The following CLSTN2 variants were observed in gnomAD, a reference collection of about 807,000 sequenced individuals.
CLSTN2 encodes calsyntenin-2.
A neutral mutation model predicts 101.2 loss-of-function variants in CLSTN2; 48 were observed. That is an observed-to-expected ratio of 0.47 (90% CI 0.38 to 0.60). CLSTN2 has a LOEUF of 0.60. CLSTN2 is among the 20% of genes least tolerant of loss of function. CLSTN2 has a pLI of 0.00. For missense variants in CLSTN2, 1,160 were observed against 1,238.2 expected, an observed-to-expected ratio of 0.94 and a Z score of 0.95; for synonymous variants, 481 against 463.6, an observed-to-expected ratio of 1.04 and a Z score of -0.48.
At chr3:139,940,287 G>A (rs1411373541) in intron 1 of CLSTN2, among the ~76,000 whole-genome samples, 1 of 152,104 alleles carries the variant, frequency 6.6e-6, no homozygotes, top group Non-Finnish European at 1.5e-5. Flanking sequence ...AGTAAAATTT[G>A]GGCATATGGC....
At chr3:140,449,099 G>T (rs1263499999) in intron 6 of CLSTN2, among the ~76,000 whole-genome samples, 2 of 152,200 alleles carry the variant, frequency 1.3e-5, no homozygotes, top group Non-Finnish European at 2.9e-5. Flanking sequence ...AGAGTTAGTA[G>T]TGTCAGTCAC....
At chr3:140,027,025 G>A (rs1331643601) in intron 1 of CLSTN2, among the ~76,000 whole-genome samples, 1 of 152,216 alleles carries the variant, frequency 6.6e-6, no homozygotes, top group Non-Finnish European at 1.5e-5. Context: ...CTTGGGGCTG[G>A]TGGTGAGATT....
chr3:140,165,306 C>G (rs1393277820), intron 1 of CLSTN2, among the ~76,000 whole-genome samples: 2 of 152,192 alleles, frequency 1.3e-5, no homozygotes, highest in Non-Finnish European at 2.9e-5. Context: ...AAGTGCTGCT[C>G]TTTGCTTCAG....
At chr3:140,240,905 T>A (rs13066429) in intron 2 of CLSTN2, among the ~76,000 whole-genome samples, 2 of 152,060 alleles carry the variant, frequency 1.3e-5, no homozygotes, top group Non-Finnish European at 2.9e-5. Flanking sequence ...TCTTCCTGGA[T>A]GGGATGCTGG....
Position 140,404,781 on chromosome 3 carries a change from A to C in CLSTN2, c.637+15A>C. The C allele has an allele frequency of 1.2e-6, 2 of 1,612,232 alleles. No individual in the cohort carries two copies. The highest frequency in any genetic ancestry group is 1.7e-6 in the Non-Finnish European group (2 of 1,178,286). On this transcript the variant is annotated intron_variant, in intron 4 of 16. Coordinates refer to ENST00000458420, the MANE Select transcript of CLSTN2 (RefSeq NM_022131.3). ...CGACAGAAATGGTGAGTGACCTCAG[A>C]GGACCCCTGTGGGGTCAGGAAAACA...
chr3:140,093,202 T>G (rs1478056949), intron 1 of CLSTN2, among the ~76,000 whole-genome samples: 7 of 152,126 alleles, frequency 4.6e-5, no homozygotes, highest in Non-Finnish European at 1.0e-4. Context: ...TGTCGCCTGC[T>G]CTGGTTGCTC....
In CLSTN2 at chr3:140,566,152, G is replaced by A. The variant is rs900952461; in HGVS notation, c.2767G>A (p.Glu923Lys). ...MSSSSGSDDS[E>K]EEEEEEGMGR... ...CTCCAGCAGTGGCTCTGACGACAGC[G>A]AAGAGGAGGAGGAGGAGGAAGGGAT... Residue 923 changes from glutamate (E) to lysine (K), a missense_variant, in exon 17 of 17, where the codon GAA (glutamate) becomes AAA (lysine). Glu to Lys is a moderately conservative substitution (Grantham distance 56, BLOSUM62 1). Transcript: ENST00000458420. The A allele has an allele frequency of 6.8e-6, 11 of 1,612,526 alleles. No individual in the cohort carries two copies. Among genetic ancestry groups the A allele is most frequent in the Admixed American group, 1.7e-5 (1 of 59,938 alleles).
At chr3:140,434,815 G>T (rs1198519222) in intron 5 of CLSTN2, among the ~76,000 whole-genome samples, 2 of 152,214 alleles carry the variant, frequency 1.3e-5, no homozygotes, top group African/African-American at 4.8e-5. Flanking sequence ...AAAGGTAAGT[G>T]ATGGGGTAGA....
intron 1 of CLSTN2, among the ~76,000 whole-genome samples, chr3:140,174,323 C>T (rs1286053266): frequency 1.3e-5 from 2 of 152,186 alleles, no homozygotes; most frequent in Non-Finnish European, 2.9e-5. Flanking sequence ...ACCACCTCAG[C>T]CTGGAGCTTA....
chr3:140,383,854 C>T (rs181086266), intron 2 of CLSTN2, among the ~76,000 whole-genome samples: 55 of 152,322 alleles, frequency 3.6e-4, no homozygotes, highest in African/African-American at 1.3e-3. Flanking sequence ...AATGAAGCAT[C>T]CTATTAGCAT....
chr3:140,151,332 T>C (rs1213215284), intron 1 of CLSTN2, among the ~76,000 whole-genome samples: 5 of 151,908 alleles, frequency 3.3e-5, no homozygotes, highest in Non-Finnish European at 7.4e-5. Context: ...CCTCTGGGAA[T>C]AGTGGGAGAG....
chr3:140,368,828 G>A (rs1205037414), intron 2 of CLSTN2, among the ~76,000 whole-genome samples: 1 of 152,174 alleles, frequency 6.6e-6, no homozygotes, highest in Non-Finnish European at 1.5e-5. Flanking sequence ...TCCTTCCAGA[G>A]CACCCACAGC....
chr3:140,198,949 G>C (rs1216550065), intron 2 of CLSTN2, among the ~76,000 whole-genome samples: 1 of 152,158 alleles, frequency 6.6e-6, no homozygotes, highest in Non-Finnish European at 1.5e-5. Context: ...TACCTGCCTG[G>C]CTCTCAGCAT....
At chr3:140,355,787 C>T (rs972906801) in intron 2 of CLSTN2, among the ~76,000 whole-genome samples, 2 of 152,166 alleles carry the variant, frequency 1.3e-5, no homozygotes, top group Non-Finnish European at 2.9e-5. Context: ...GAGGCCACAG[C>T]CTGCCAAGGG....
chr3:140,431,829 C>T (rs2088634220), intron 5 of CLSTN2, among the ~76,000 whole-genome samples: 1 of 152,190 alleles, frequency 6.6e-6, no homozygotes, highest in Non-Finnish European at 1.5e-5. Context: ...AGCTATTTCT[C>T]TGGCTGAGCT....
chr3:140,136,307 T>C (rs910555673), intron 1 of CLSTN2, among the ~76,000 whole-genome samples: 2 of 152,192 alleles, frequency 1.3e-5, no homozygotes, highest in African/African-American at 4.8e-5. Flanking sequence ...CAAACTTAAC[T>C]CCACCTCTTA....
rs1934612866 is a variant in CLSTN2 at position 140,503,040 on chromosome 3, T to G, written c.1345-29284T>G. On this transcript the variant is annotated intron_variant, in intron 8 of 16. Transcript: ENST00000458420. ...TTTACAGTTTACAACACGCCATGGC[T>G]TATAGCCCCTTTCATCTTTAAGGTC... is the stretch of plus-strand genomic sequence containing the variant. Among the ~76,000 whole-genome samples the G allele has an allele frequency of 5.9e-5, 9 of 152,174 alleles. No individual in the cohort carries two copies. In the South Asian group the frequency reaches 1.9e-3, roughly 32 times the overall value.
At chr3:140,300,202 A>G (rs1008156908) in intron 2 of CLSTN2, among the ~76,000 whole-genome samples, 83 of 152,336 alleles carry the variant, frequency 5.4e-4, no homozygotes, top group African/African-American at 1.9e-3. Context: ...TTTTATGCAT[A>G]ATAATGCATA....
chr3:140,192,321 T>A (rs1383255722), intron 2 of CLSTN2, among the ~76,000 whole-genome samples: 4 of 151,958 alleles, frequency 2.6e-5, no homozygotes, highest in Non-Finnish European at 5.9e-5. Context: ...GTAGATTACA[T>A]CCTGTTATTT....
Sources: gnomAD v4.1 joint callset for allele counts (sites outside exome capture counted in the v4.1 genomes callset) on GRCh38, gnomAD v4.1.1 for gene constraint, MANE v1.5 for transcripts, NCBI Gene and HGNC (gene_info 2026-07-23, HGNC 2026-07-21) for gene names.